The following DNMBP variants were observed in gnomAD, a reference collection of about 807,000 sequenced individuals.
The protein encoded by DNMBP is dynamin binding protein, also known as dynamin-binding protein.
DNMBP carries 87 observed loss-of-function variants against 150.0 expected under a neutral mutation model. That is an observed-to-expected ratio of 0.58 (90% CI 0.49 to 0.69). The LOEUF is 0.69. DNMBP is among the 30% of genes least tolerant of loss of function. The pLI, the probability that DNMBP is intolerant of heterozygous loss-of-function variation, is 0.00. For synonymous variants in DNMBP, 711 were observed against 750.4 expected (o/e 0.95, Z 0.86); for missense variants, 1,774 against 1,949.0 (o/e 0.91, Z 1.69).
In DNMBP at chr10:99,875,779, C is replaced by CTAT. The variant is rs2039260947; in HGVS notation, c.*1369_*1371dup. Reference sequence around the variant, plus strand: ...ACTTGGAGGAACAGGGGCTGTAAGGCTATTTCTTCCCTTTCTTTTAAAAGA... The same window carrying CTAT: ...ACTTGGAGGAACAGGGGCTGTAAGGCTATTATTTCTTCCCTTTCTTTTAAAAGA... On this transcript the variant is annotated 3_prime_UTR_variant, in exon 17 of 17. Coordinates refer to ENST00000324109, the MANE Select transcript of DNMBP (RefSeq NM_015221.4). 1 of 152,152 alleles carries CTAT rather than the reference C, an allele frequency of 6.6e-6. No individual in the cohort carries two copies. Among genetic ancestry groups the CTAT allele is most frequent in the Admixed American group, 6.5e-5 (1 of 15,280 alleles). 9.4% of individuals were successfully genotyped at this position (152,152 alleles called of 1,614,324 possible). A position where few individuals can be genotyped will look rare whatever the true frequency, so the allele number is the denominator to read the frequency against.
chr10:99,888,214 G>GTTTTTTGTT (rs151151446), intron 12 of DNMBP, among the ~76,000 whole-genome samples: 5 of 149,636 alleles, frequency 3.3e-5, no homozygotes, highest in African/African-American at 1.2e-4. Context: ...TTGTTTGTTT[G>GTTTTTTGTT]TTTGTTTTTG....
chr10:99,908,834 CA>C, intron 5 of DNMBP, 118 bp downstream of exon 5: 3 of 929,968 alleles, frequency 3.2e-6, no homozygotes, highest in Non-Finnish European at 4.9e-6. Flanking sequence ...CAGCAGCACT[CA>C]CAGTCACAGT....
chr10:100,005,972 A>C (rs886558759), intron 1 of DNMBP, among the ~76,000 whole-genome samples: 3 of 152,124 alleles, frequency 2.0e-5, no homozygotes, highest in African/African-American at 7.2e-5. Context: ...AATCTTTTAG[A>C]TTCCTTGCGT....
intron 1 of DNMBP, among the ~76,000 whole-genome samples, chr10:99,984,095 T>C (rs769835675): frequency 6.6e-6 from 1 of 152,366 alleles, no homozygotes; most frequent in Middle Eastern, 3.4e-3. Flanking sequence ...ATTAAACTGC[T>C]GTTTTCCTTC....
chr10:99,888,929 C>T lies in DNMBP; in HGVS notation c.3181G>A (p.Ala1061Thr), dbSNP rs2039515077. Residue 1061 changes from alanine (A) to threonine (T), a missense_variant, in exon 12 of 17, where the codon GCT becomes ACT. By Grantham distance (58) the Ala-to-Thr change is moderately conservative. Coordinates refer to ENST00000324109, the MANE Select transcript of DNMBP (RefSeq NM_015221.4). ...CACACATCCCACATGCTCACAGCAG[C>T]CACCACTTTCACACATGCGGACTCC... ...IRESACVKVV[A>T]AVSMWDVCME... The T allele has an allele frequency of 6.2e-7, 1 of 1,614,154 alleles. No homozygotes were observed. The highest frequency in any genetic ancestry group is 8.5e-7 in the Non-Finnish European group (1 of 1,180,026).
chr10:99,908,386 C>G (rs770213485), intron 5 of DNMBP, among the ~76,000 whole-genome samples: 1 of 152,244 alleles, frequency 6.6e-6, no homozygotes, highest in Non-Finnish European at 1.5e-5. Flanking sequence ...ACCAACATCC[C>G]GTAGCACTGC....
intron 1 of DNMBP, among the ~76,000 whole-genome samples, chr10:99,990,794 TAC>T (rs1469527448): frequency 1.6e-3 from 178 of 112,204 alleles, no homozygotes; most frequent in East Asian, 7.2e-3. Flanking sequence ...CACACATATA[TAC>T]ACACATATAT....
intron 11 of DNMBP, among the ~76,000 whole-genome samples, chr10:99,891,833 T>G (rs1409448385): frequency 6.7e-6 from 1 of 148,486 alleles, no homozygotes; most frequent in Non-Finnish European, 1.5e-5. Flanking sequence ...CCGCCCCATC[T>G]GGGATGTGAG....
rs561239186 is a variant in DNMBP at position 99,945,327 on chromosome 10, T to C, written c.2260+9887A>G. Among the ~76,000 whole-genome samples the C allele has an allele frequency of 2.6e-5, 4 of 152,302 alleles. No individual in the cohort carries two copies. The East Asian group carries it at 7.7e-4, about 29-fold the overall frequency. ...AAGTTGACGCAAGAGCAGAGAATAC[T>C]GGCACGCGGAGTAAAATGTTACAAG... On this transcript the variant is annotated intron_variant, in intron 4 of 16. Transcript: ENST00000324109.
chr10:99,888,772 T>A, intron 12 of DNMBP, 53 bp downstream of exon 12: 1 of 1,608,610 alleles, frequency 6.2e-7, no homozygotes, highest in Non-Finnish European at 8.5e-7. Context: ...TGAGCTGATG[T>A]ATTTGAGATG....
chr10:99,984,739 A>AT (rs1487424703), intron 1 of DNMBP, among the ~76,000 whole-genome samples: 3 of 151,688 alleles, frequency 2.0e-5, no homozygotes, highest in Non-Finnish European at 2.9e-5. Context: ...CTTTCAACCT[A>AT]TTTTTTTTGA....
intron 16 of DNMBP, among the ~76,000 whole-genome samples, chr10:99,878,408 GCTC>G (rs1403345698): frequency 1.5e-4 from 23 of 152,222 alleles, no homozygotes; most frequent in Admixed American, 1.5e-3. Context: ...TACATTCCCT[GCTC>G]GAACTCAATC....
chr10:99,890,591 A>C (rs2039540820), intron 11 of DNMBP, among the ~76,000 whole-genome samples: 1 of 152,234 alleles, frequency 6.6e-6, no homozygotes, highest in Non-Finnish European at 1.5e-5. Context: ...GAGGGATATT[A>C]GGGGAAAGTC....
intron 4 of DNMBP, among the ~76,000 whole-genome samples, chr10:99,926,318 T>C (rs2040077918): frequency 6.6e-6 from 1 of 152,216 alleles, no homozygotes; most frequent in Non-Finnish European, 1.5e-5. Flanking sequence ...GTGGTCTCAC[T>C]CTGTCACCCA....
At position 99,957,067 on chromosome 10, in the gene DNMBP, T is replaced by C; in HGVS notation, c.407A>G (p.Gln136Arg). ...TTCCGGAATCTGAAACAGGGCGCTC[T>C]GGGAGTGCCACTGCCGGCTCTGTGA... ...LSSQSRQWHS[Q>R]SALFQIPEYS... The change falls in exon 4 of 17, where the codon CAG (glutamine) becomes CGG (arginine). Residue 136 changes from glutamine to arginine, a missense_variant. Coordinates refer to ENST00000324109, the MANE Select transcript of DNMBP (RefSeq NM_015221.4). The C allele has an allele frequency of 6.2e-7, 1 of 1,614,188 alleles. No homozygotes were observed. Among genetic ancestry groups the C allele is most frequent in the Non-Finnish European group, 8.5e-7 (1 of 1,180,036 alleles).
chr10:99,882,968 C>T (rs1259268130), intron 15 of DNMBP, among the ~76,000 whole-genome samples: 1 of 151,960 alleles, frequency 6.6e-6, no homozygotes, highest in East Asian at 1.9e-4. Context: ...GCAGGAGAAT[C>T]GCTTGAAGGC....
At chr10:99,989,641 G>A (rs1212088675) in intron 1 of DNMBP, among the ~76,000 whole-genome samples, 1 of 152,198 alleles carries the variant, frequency 6.6e-6, no homozygotes, top group African/African-American at 2.4e-5. Context: ...AACCTGGGAG[G>A]CGGAGGTTGC....
intron 1 of DNMBP, among the ~76,000 whole-genome samples, chr10:99,975,679 A>C (rs1293644917): frequency 1.3e-5 from 2 of 152,228 alleles, no homozygotes; most frequent in African/African-American, 4.8e-5. Flanking sequence ...TACATGCTGC[A>C]GAGGCAGCAT....
Position 99,970,748 on chromosome 10 carries a change from G to A in DNMBP, c.145+1232C>T, listed in dbSNP as rs189868964. ...AGCACTTTGGGAGGCCGAGGCAGGC[G>A]GATCATGACGTCAGGAGATTGAGAC... is the stretch of plus-strand genomic sequence containing the variant. On this transcript the variant is annotated intron_variant, in intron 2 of 16. Transcript: ENST00000324109. Among the ~76,000 whole-genome samples, 7 of 151,836 alleles carry A rather than the reference G, an allele frequency of 4.6e-5. No individual in the cohort carries two copies. In the East Asian group the frequency reaches 5.8e-4, roughly 13 times the overall value.
Sources: gnomAD v4.1 joint callset for allele counts (sites outside exome capture counted in the v4.1 genomes callset) on GRCh38, gnomAD v4.1.1 for gene constraint, MANE v1.5 for transcripts, NCBI Gene and HGNC (gene_info 2026-07-23, HGNC 2026-07-21) for gene names.